DNAH9: variants seen among roughly 807,000 people sequenced by gnomAD.
DNAH9 encodes the protein dynein axonemal heavy chain 9.
A neutral mutation model predicts 471.6 loss-of-function variants in DNAH9; 345 were observed. That is an observed-to-expected ratio of 0.73 (90% CI 0.67 to 0.80). The LOEUF is 0.80. DNAH9 is among the 30% of genes least tolerant of loss of function. The pLI, the probability that DNAH9 is intolerant of heterozygous loss-of-function variation, is 0.00. For missense variants in DNAH9, 5,407 were observed against 5,609.2 expected, an observed-to-expected ratio of 0.96 and a Z score of 1.15; for synonymous variants, 2,093 against 2,123.6, an observed-to-expected ratio of 0.99 and a Z score of 0.40.
chr17:11,813,142 C>T (rs376756087), intron 45 of DNAH9, among the ~76,000 whole-genome samples: 1 of 151,400 alleles, frequency 6.6e-6, no homozygotes, highest in Admixed American at 6.6e-5. Context: ...CAAGTGCAAA[C>T]GAATTTCTAA....
chr17:11,908,145 C>T (rs2151017600), intron 61 of DNAH9, among the ~76,000 whole-genome samples: 1 of 152,246 alleles, frequency 6.6e-6, no homozygotes, highest in East Asian at 1.9e-4. Context: ...CCATCACCGG[C>T]CCTGCCATTT....
chr17:11,777,031 T>A (rs1286147904), intron 38 of DNAH9, among the ~76,000 whole-genome samples: 1 of 152,256 alleles, frequency 6.6e-6, no homozygotes, highest in Non-Finnish European at 1.5e-5. Context: ...AGTTATTTTT[T>A]ATGCCTTCTG....
chr17:11,829,511 A>T (rs1970616560), intron 48 of DNAH9, among the ~76,000 whole-genome samples: 1 of 152,182 alleles, frequency 6.6e-6, no homozygotes. Context: ...TCACTCTGTC[A>T]CCCAGGCTGG....
chr17:11,636,580 T>C (rs1276809166), intron 8 of DNAH9, 54 bp from the exon 9 acceptor site: 2 of 1,467,392 alleles, frequency 1.4e-6, no homozygotes, highest in Non-Finnish European at 1.9e-6. Context: ...TGTATAACCA[T>C]GGAAAGGTTT....
intron 48 of DNAH9, among the ~76,000 whole-genome samples, chr17:11,826,425 G>A (rs868311017): frequency 3.5e-5 from 5 of 140,846 alleles, no homozygotes; most frequent in South Asian, 4.7e-4. Context: ...AGATTACTAA[G>A]TTCTGTATGT....
At chr17:11,844,711 A>G (rs1597725794) in intron 49 of DNAH9, among the ~76,000 whole-genome samples, 1 of 152,228 alleles carries the variant, frequency 6.6e-6, no homozygotes, top group Admixed American at 6.5e-5. Flanking sequence ...AGCCAGTAAC[A>G]TCTTTTTTTA....
chr17:11,849,409 G>A (rs1423468579), intron 49 of DNAH9, among the ~76,000 whole-genome samples: 2 of 152,144 alleles, frequency 1.3e-5, no homozygotes, highest in Non-Finnish European at 1.5e-5. Context: ...AGTGAAATTA[G>A]AGTAAAATCC....
intron 53 of DNAH9, among the ~76,000 whole-genome samples, chr17:11,879,430 A>G (rs1972628672): frequency 2.0e-5 from 3 of 152,116 alleles, no homozygotes; most frequent in Admixed American, 2.0e-4. Flanking sequence ...TCTTTGGTTG[A>G]GTTCCATAAA....
intron 59 of DNAH9, among the ~76,000 whole-genome samples, chr17:11,898,230 T>A (rs1973285621): frequency 6.6e-6 from 1 of 152,084 alleles, no homozygotes; most frequent in Non-Finnish European, 1.5e-5. Context: ...GTTCAAGCGA[T>A]TCTCCTGACT....
Position 11,969,526 on chromosome 17 carries a change from A to C in DNAH9, c.13460A>C (p.Ter4487SerextTer9). The C allele has an allele frequency of 6.2e-7, 1 of 1,605,468 alleles. No individual in the cohort carries two copies. Among genetic ancestry groups the C allele is most frequent in the Non-Finnish European group, 8.5e-7 (1 of 1,177,282 alleles). Reference protein sequence around the residue: ...LAGVALLLQI* With the variant: ...LAGVALLLQIS ...GGAGTAGCCTTGCTTCTCCAGATTT[A>C]GCATCCTGCAGAGCCACCGAGAAAA... The change falls in exon 69 of 69, where the codon TAG becomes TCG. Residue 4487 changes from the stop codon to serine, a stop_lost. Transcript: ENST00000262442.
At chr17:11,807,487 CA>C (rs1969732451) in intron 43 of DNAH9, among the ~76,000 whole-genome samples, 1 of 152,190 alleles carries the variant, frequency 6.6e-6, no homozygotes, top group African/African-American at 2.4e-5. Flanking sequence ...TGCTCCCTTC[CA>C]TGGGCTCCCC....
chr17:11,610,203 G>A lies in DNAH9; in HGVS notation c.615-193G>A, dbSNP rs565742603. On this transcript the variant is annotated intron_variant, in intron 2 of 68. Transcript: ENST00000262442. ...CATAAGCATTTTTTTTTTCTGGAGA[G>A]AGGATCTATAATTTTCGTTGACTAG... Among the ~76,000 whole-genome samples, 4 of 152,152 alleles carry A rather than the reference G, an allele frequency of 2.6e-5. No homozygotes were observed. In the South Asian group the frequency reaches 8.3e-4, roughly 32 times the overall value.
At position 11,793,811 on chromosome 17, in the gene DNAH9, G is replaced by A. The variant is rs186077871; in HGVS notation, c.8223+147G>A. 4 of 667,902 alleles carry A rather than the reference G, an allele frequency of 6.0e-6. No individual in the cohort carries two copies. The East Asian group carries it at 1.1e-4, about 19-fold the overall frequency. 41.4% of individuals were successfully genotyped at this position (667,902 alleles called of 1,614,324 possible). A position where few individuals can be genotyped will look rare whatever the true frequency, so the allele number is the denominator to read the frequency against. On this transcript the variant is annotated intron_variant, in intron 42 of 68. Coordinates refer to ENST00000262442, the MANE Select transcript of DNAH9 (RefSeq NM_001372.4). The stretch of plus-strand genomic sequence containing the variant: ...GAAATTCTGTCATAATTTTGCCCAG[G>A]TAAAAAAATGCTGGGGCAAGAATAG...
intron 48 of DNAH9, 32 bp downstream of exon 48, chr17:11,823,066 G>A (rs1351789881): frequency 1.9e-6 from 3 of 1,561,852 alleles, no homozygotes; most frequent in South Asian, 1.2e-5. Context: ...CCACCTGCAG[G>A]GGACTTGGAG....
intron 52 of DNAH9, among the ~76,000 whole-genome samples, chr17:11,874,324 C>A (rs1972391518): frequency 6.6e-6 from 1 of 151,786 alleles, no homozygotes; most frequent in South Asian, 2.1e-4. Context: ...CACACAGGAG[C>A]CCTGAAGGGG....
chr17:11,892,850 G>A lies in DNAH9; in HGVS notation c.11283+903G>A, dbSNP rs901050914. Among the ~76,000 whole-genome samples the A allele has an allele frequency of 6.6e-5, 10 of 151,824 alleles. No individual in the cohort carries two copies. Among genetic ancestry groups the A allele is most frequent in the Admixed American group, 3.3e-4 (5 of 15,246 alleles). ...ATTACAGGCATGAGCCATTGCATCT[G>A]GCCTAATTTACTTCCTTTTACATGT... On this transcript the variant is annotated intron_variant, in intron 58 of 68. Coordinates refer to ENST00000262442, the MANE Select transcript of DNAH9 (RefSeq NM_001372.4). The surrounding 1 kb of genome is among the most constrained non-coding windows in gnomAD (Gnocchi z 4.3).
At chr17:11,872,696 G>A (rs1156556948) in intron 52 of DNAH9, among the ~76,000 whole-genome samples, 2 of 152,250 alleles carry the variant, frequency 1.3e-5, no homozygotes, top group African/African-American at 4.8e-5. Context: ...TGAGGCGGGC[G>A]GATCACGAGG....
rs1974535446 is a variant in DNAH9, at chr17:11,932,130, C to G, written c.12222C>G (p.Arg4074=). ...AATTTGGGCCCCAGGGATGGAATCGCTCATACCCCTTTAACACTGGAGACC... is the reference window on the plus strand; with the variant it reads ...AATTTGGGCCCCAGGGATGGAATCGGTCATACCCCTTTAACACTGGAGACC... ...RRKFGPQGWN[R]SYPFNTGDLT... The change falls in exon 64 of 69, where the codon CGC becomes CGG. Residue 4074 remains arginine, a synonymous_variant. Coordinates refer to ENST00000262442, the MANE Select transcript of DNAH9 (RefSeq NM_001372.4). The surrounding 1 kb of genome is among the most constrained non-coding windows in gnomAD (Gnocchi z 4.3). 1.9e-6 allele frequency: 3 copies of G among 1,614,138 alleles called. No homozygotes were observed. In the African/African-American group the frequency reaches 4.0e-5, roughly 22 times the overall value.
At chr17:11,928,181 G>C (rs1974394751) in intron 62 of DNAH9, among the ~76,000 whole-genome samples, 1 of 151,580 alleles carries the variant, frequency 6.6e-6, no homozygotes, top group South Asian at 2.1e-4. Context: ...ATGTTGGCCA[G>C]GCTGGTATTG....
Sources: allele counts gnomAD v4.1 joint callset (sites outside exome capture counted in the v4.1 genomes callset), GRCh38; gene constraint gnomAD v4.1.1; non-coding constraint Gnocchi (gnomAD v3.1); transcripts MANE v1.5; gene names NCBI Gene and HGNC (gene_info 2026-07-23, HGNC 2026-07-21).